ABCB10: variants seen among roughly 807,000 people sequenced by gnomAD.
ABCB10 encodes ATP-binding cassette sub-family B member 10, mitochondrial.
A neutral mutation model predicts 65.4 loss-of-function variants in ABCB10; 54 were observed. The observed-to-expected ratio is 0.83, with a 90% CI of 0.66 to 1.04. The LOEUF is 1.04. ABCB10 is among the 50% of genes least tolerant of loss of function. ABCB10 has a pLI of 0.00. For missense variants in ABCB10, 846 were observed against 976.6 expected (o/e 0.87, Z 1.78); for synonymous variants, 418 against 406.5 (o/e 1.03, Z -0.34).
chr1:229,540,617 A>C lies in ABCB10; in HGVS notation c.1192T>G (p.Phe398Val), dbSNP rs1192517918. Residue 398 changes from phenylalanine to valine, a missense_variant, in exon 5 of 13, where the codon TTC (phenylalanine) becomes GTC (valine). Around this residue, in one of 2 missense-constraint regions of ABCB10, gnomAD observed 632 missense variants for 803.2 expected, o/e 0.79. Coordinates refer to ENST00000344517, the MANE Select transcript of ABCB10 (RefSeq NM_012089.3). Reference sequence around the variant, plus strand: ...AGTGATCTACTTACTGCTCCAAAGAAACCAGCCCGGGCGAATGCCTCTTTC... The same window carrying C: ...AGTGATCTACTTACTGCTCCAAAGACACCAGCCCGGGCGAATGCCTCTTTC... ...ARKEAFARAGFFGATGLSGNL... is the reference protein window; with the variant it reads ...ARKEAFARAGVFGATGLSGNL... The C allele has an allele frequency of 1.9e-6, 3 of 1,610,860 alleles. No individual in the cohort carries two copies. In the African/African-American group the frequency reaches 4.0e-5, roughly 22 times the overall value.
At chr1:229,526,460 T>G (rs1039434593) in intron 9 of ABCB10, among the ~76,000 whole-genome samples, 3 of 152,186 alleles carry the variant, frequency 2.0e-5, no homozygotes, top group African/African-American at 7.2e-5. Context: ...ACAAACCACA[T>G]GGGAACAAAC....
At chr1:229,535,748 CAG>C (rs890864392) in intron 6 of ABCB10, among the ~76,000 whole-genome samples, 1 of 146,780 alleles carries the variant, frequency 6.8e-6, no homozygotes, top group Admixed American at 6.9e-5. Context: ...TTTTTTGAGA[CAG>C]AGTCTCACTC....
intron 3 of ABCB10, among the ~76,000 whole-genome samples, chr1:229,544,773 C>T (rs142596853): frequency 2.2e-4 from 34 of 152,242 alleles, no homozygotes; most frequent in African/African-American, 8.2e-4. Context: ...AAGTGTGGGG[C>T]CATGATCCAA....
intron 8 of ABCB10, 116 bp from the exon 9 acceptor site, chr1:229,527,424 G>A: frequency 2.2e-6 from 2 of 892,412 alleles, no homozygotes; most frequent in East Asian, 4.9e-5. Context: ...AAAATGTACT[G>A]AAAATCTCCA....
chr1:229,526,627 G>GGTT (rs1329950561), intron 9 of ABCB10, among the ~76,000 whole-genome samples: 1 of 152,206 alleles, frequency 6.6e-6, no homozygotes, highest in Non-Finnish European at 1.5e-5. Flanking sequence ...GAGAGGATGA[G>GGTT]CTAATCACAA....
At chr1:229,526,176 A>G in intron 9 of ABCB10, 60 bp from the exon 10 acceptor site, 1 of 1,483,538 alleles carries the variant, frequency 6.7e-7, no homozygotes, top group Middle Eastern at 1.8e-4. Flanking sequence ...ATGTCTAATA[A>G]ATTTAGACCT....
At chr1:229,558,104 C>T in intron 1 of ABCB10, 32 bp downstream of exon 1, 1 of 1,329,880 alleles carries the variant, frequency 7.5e-7, no homozygotes, top group South Asian at 1.8e-5. Context: ...AGGAGAGGCC[C>T]GGCGGAGGGA....
At chr1:229,538,034 C>G (rs749411116) in intron 6 of ABCB10, among the ~76,000 whole-genome samples, 3 of 152,194 alleles carry the variant, frequency 2.0e-5, no homozygotes, top group Non-Finnish European at 4.4e-5. Flanking sequence ...CTGAACAAGA[C>G]AGTTGACCAG....
At chr1:229,518,946 A>G (rs1173335514) in intron 11 of ABCB10, 71 bp from the exon 12 acceptor site, 8 of 1,316,840 alleles carry the variant, frequency 6.1e-6, no homozygotes, top group Non-Finnish European at 8.6e-6. Context: ...GCAATAAAAA[A>G]GGAATAAAAT....
chr1:229,527,354 G>T, intron 8 of ABCB10, 46 bp from the exon 9 acceptor site: 2 of 1,519,358 alleles, frequency 1.3e-6, no homozygotes, highest in Non-Finnish European at 1.8e-6. Context: ...GTGTGATGAG[G>T]CTGATGACCA....
intron 10 of ABCB10, among the ~76,000 whole-genome samples, chr1:229,523,425 CA>C (rs1439876484): frequency 6.6e-6 from 1 of 152,170 alleles, no homozygotes; most frequent in Admixed American, 6.5e-5. Flanking sequence ...TGCTGGACAT[CA>C]TTTTATTTCA....
chr1:229,558,099 A>G, intron 1 of ABCB10, 37 bp downstream of exon 1: 1 of 1,317,254 alleles, frequency 7.6e-7, no homozygotes, highest in South Asian at 1.9e-5. Flanking sequence ...GGAGAAGGAG[A>G]GGCCCGGCGG....
intron 1 of ABCB10, among the ~76,000 whole-genome samples, chr1:229,552,681 C>T (rs535851291): frequency 6.6e-6 from 1 of 152,226 alleles, no homozygotes; most frequent in East Asian, 1.9e-4. Flanking sequence ...GCAGGTACAG[C>T]AATCCCCACT....
At chr1:229,519,791 AAAAT>A (rs1169593255) in intron 11 of ABCB10, among the ~76,000 whole-genome samples, 2 of 145,132 alleles carry the variant, frequency 1.4e-5, no homozygotes, top group Non-Finnish European at 3.0e-5. Context: ...TCTGTCTCAG[AAAAT>A]AAATAAATAA....
At chr1:229,544,346 G>A (rs139506172) in intron 3 of ABCB10, among the ~76,000 whole-genome samples, 5 of 147,574 alleles carry the variant, frequency 3.4e-5, no homozygotes, top group African/African-American at 5.0e-5. Context: ...GAGCTCGGGA[G>A]GCAGAGGTTG....
intron 9 of ABCB10, among the ~76,000 whole-genome samples, chr1:229,526,590 C>T (rs968971757): frequency 6.6e-6 from 1 of 152,222 alleles, no homozygotes; most frequent in African/African-American, 2.4e-5. Flanking sequence ...CATCACCATC[C>T]ACCTGCCCTC....
intron 5 of ABCB10, among the ~76,000 whole-genome samples, chr1:229,540,375 G>A (rs897284434): frequency 7.2e-5 from 11 of 152,148 alleles, no homozygotes; most frequent in Non-Finnish European, 1.3e-4. Context: ...GGCCTGCACC[G>A]CACAAAGAAT....
intron 8 of ABCB10, among the ~76,000 whole-genome samples, chr1:229,529,098 T>C (rs990219574): frequency 1.3e-5 from 2 of 150,782 alleles, no homozygotes; most frequent in African/African-American, 4.9e-5. Context: ...GAGACCATCC[T>C]GGCTAACACG....
intron 1 of ABCB10, among the ~76,000 whole-genome samples, chr1:229,550,208 C>T (rs1663074642): frequency 6.6e-6 from 1 of 152,054 alleles, no homozygotes; most frequent in Non-Finnish European, 1.5e-5. Flanking sequence ...AAAAAACAGG[C>T]AAACAAGATA....
Sources: gnomAD v4.1 joint callset for allele counts (sites outside exome capture counted in the v4.1 genomes callset) on GRCh38, gnomAD v4.1.1 for gene constraint, gnomAD v4.1.1 regional missense constraint, MANE v1.5 for transcripts, NCBI Gene and HGNC (gene_info 2026-07-23, HGNC 2026-07-21) for gene names.